Variants in ARB2A observed in about 807,000 individuals in gnomAD.
The protein encoded by ARB2A is cotranscriptional regulator ARB2A.
chr5:93,915,156 T>C, the ARB2A span, among the ~76,000 whole-genome samples: 1 of 152,002 alleles, frequency 6.6e-6, no homozygotes, highest in Non-Finnish European at 1.5e-5. Context: ...TCCATTACAC[T>C]GTCTTCCACA....
At chr5:93,655,428 G>C in the ARB2A span, among the ~76,000 whole-genome samples, 38 of 152,012 alleles carry the variant, frequency 2.5e-4, no homozygotes, top group African/African-American at 8.5e-4. Context: ...TCTCACTATG[G>C]TCAATAACTC....
At chr5:93,879,982 T>C in the ARB2A span, among the ~76,000 whole-genome samples, 2 of 151,842 alleles carry the variant, frequency 1.3e-5, no homozygotes, top group Admixed American at 1.3e-4. Context: ...CTGGATCATA[T>C]AGAAGGAAGC....
At chr5:93,670,762 G>A in the ARB2A span, among the ~76,000 whole-genome samples, 1 of 152,122 alleles carries the variant, frequency 6.6e-6, no homozygotes, top group African/African-American at 2.4e-5. Flanking sequence ...AAAATTATGA[G>A]TCTAGAAAGG....
chr5:93,684,932 G>C, the ARB2A span, among the ~76,000 whole-genome samples: 4 of 152,160 alleles, frequency 2.6e-5, no homozygotes, highest in Non-Finnish European at 1.5e-5. Flanking sequence ...CAATATTGCT[G>C]TACGTTGAAG....
At chr5:93,629,708 A>C in the ARB2A span, among the ~76,000 whole-genome samples, 1 of 152,174 alleles carries the variant, frequency 6.6e-6, no homozygotes. Context: ...TTTAAAGAAA[A>C]AGGTAATGAA....
chr5:93,620,726 T>A, the ARB2A span: 30 of 355,108 alleles, frequency 8.4e-5, no homozygotes, highest in East Asian at 1.3e-3. Context: ...GGCAGGGCGC[T>A]GTCAGCCTTA....
the ARB2A span, among the ~76,000 whole-genome samples, chr5:94,075,740 C>T: frequency 6.6e-6 from 1 of 152,090 alleles, no homozygotes; most frequent in Non-Finnish European, 1.5e-5. Flanking sequence ...AGATCTATTT[C>T]CATAATCAGC....
the ARB2A span, among the ~76,000 whole-genome samples, chr5:93,642,458 G>A: frequency 6.6e-6 from 1 of 152,140 alleles, no homozygotes; most frequent in East Asian, 1.9e-4. Flanking sequence ...TGCAACCTCT[G>A]TCTCCCAGGT....
At chr5:93,860,134 A>T in the ARB2A span, among the ~76,000 whole-genome samples, 1 of 152,140 alleles carries the variant, frequency 6.6e-6, no homozygotes, top group East Asian at 1.9e-4. Context: ...CTCTACTAAA[A>T]ATACAAAAAT....
chr5:93,821,909 C>CAAA, the ARB2A span, among the ~76,000 whole-genome samples: 2 of 127,904 alleles, frequency 1.6e-5, no homozygotes, highest in African/African-American at 5.9e-5. Flanking sequence ...CAAAAAGTAG[C>CAAA]AAAAAAAAAA....
chr5:93,974,426 T>C, the ARB2A span, among the ~76,000 whole-genome samples: 6 of 152,220 alleles, frequency 3.9e-5, no homozygotes, highest in East Asian at 1.9e-4. Flanking sequence ...GCACCCAACA[T>C]TGGAGCACCC....
At chr5:93,802,180 A>G in the ARB2A span, among the ~76,000 whole-genome samples, 22 of 152,126 alleles carry the variant, frequency 1.4e-4, no homozygotes, top group African/African-American at 5.3e-4. Context: ...GATAAATCTT[A>G]TAAGAAAATT....
the ARB2A span, among the ~76,000 whole-genome samples, chr5:94,045,660 T>A: frequency 7.9e-5 from 12 of 152,214 alleles, no homozygotes; most frequent in African/African-American, 2.7e-4. Flanking sequence ...CTAAACACTT[T>A]ATCTATTTGT....
chr5:94,016,873 A>T, the ARB2A span, among the ~76,000 whole-genome samples: 1 of 152,310 alleles, frequency 6.6e-6, no homozygotes, highest in African/African-American at 2.4e-5. Context: ...GGACTTGTCT[A>T]AGTAGGGTTG....
the ARB2A span, among the ~76,000 whole-genome samples, chr5:94,066,140 G>A: frequency 2.0e-5 from 3 of 152,036 alleles, no homozygotes; most frequent in East Asian, 5.8e-4. Flanking sequence ...AGACTGCCTT[G>A]AAGCAAATGA....
At chr5:94,107,781 G>A in the ARB2A span, among the ~76,000 whole-genome samples, 1 of 152,144 alleles carries the variant, frequency 6.6e-6, no homozygotes, top group Non-Finnish European at 1.5e-5. Flanking sequence ...AACACTCACT[G>A]TTGAGCTGTA....
At chr5:94,055,976 G>T in the ARB2A span, 2 of 836,116 alleles carry the variant, frequency 2.4e-6, no homozygotes, top group Non-Finnish European at 2.9e-6. Flanking sequence ...TACTTCATTT[G>T]ATCATCACAA....
At chr5:94,096,090 A>G in the ARB2A span, among the ~76,000 whole-genome samples, 1 of 152,262 alleles carries the variant, frequency 6.6e-6, no homozygotes, top group African/African-American at 2.4e-5. Context: ...AACCAAATGG[A>G]TCAAGATTAT....
At chr5:93,741,178 A>G in the ARB2A span, 2 of 1,613,800 alleles carry the variant, frequency 1.2e-6, no homozygotes, top group South Asian at 2.2e-5. Flanking sequence ...CTCCTTGGCC[A>G]ATTGCTGCAA....
Sources: gnomAD v4.1 joint callset for allele counts (sites outside exome capture counted in the v4.1 genomes callset) on GRCh38, gnomAD v4.1.1 for gene constraint, MANE v1.5 for transcripts, NCBI Gene and HGNC (gene_info 2026-07-23, HGNC 2026-07-21) for gene names.